ADAMTS12: variants seen among roughly 807,000 people sequenced by gnomAD.
ADAMTS12 encodes the protein ADAM metallopeptidase with thrombospondin type 1 motif 12.
ADAMTS12 carries 118 observed loss-of-function variants against 167.8 expected under a neutral mutation model. The observed-to-expected ratio is 0.70, with a 90% CI of 0.61 to 0.82. The LOEUF is 0.82. Ranked by LOEUF, ADAMTS12 falls within the 40% of genes least tolerant of loss-of-function variation. The pLI is 0.00. For missense variants in ADAMTS12, 1,916 were observed against 1,998.8 expected (o/e 0.96, Z 0.79); for synonymous variants, 704 against 716.9 (o/e 0.98, Z 0.29).
At chr5:33,721,368 A>C (rs1319239229) in intron 3 of ADAMTS12, among the ~76,000 whole-genome samples, 1 of 152,174 alleles carries the variant, frequency 6.6e-6, no homozygotes, top group Non-Finnish European at 1.5e-5. Context: ...GAATAATGAG[A>C]AGTACACATG....
chr5:33,584,879 G>C (rs1316571755), intron 18 of ADAMTS12, among the ~76,000 whole-genome samples: 2 of 152,176 alleles, frequency 1.3e-5, no homozygotes, highest in Non-Finnish European at 1.5e-5. Context: ...TCCTAAGACT[G>C]TTCAATATGC....
At chr5:33,702,636 A>G (rs2112300365) in intron 3 of ADAMTS12, among the ~76,000 whole-genome samples, 1 of 152,296 alleles carries the variant, frequency 6.6e-6, no homozygotes, top group Admixed American at 6.5e-5. Context: ...CTATTTTATC[A>G]CCTCAGTCAC....
At chr5:33,752,373 C>G (rs1466928275) in intron 2 of ADAMTS12, among the ~76,000 whole-genome samples, 1 of 152,196 alleles carries the variant, frequency 6.6e-6, no homozygotes, top group Non-Finnish European at 1.5e-5. Context: ...CTGACCTAGA[C>G]AGACTGCTTG....
intron 18 of ADAMTS12, among the ~76,000 whole-genome samples, chr5:33,578,628 G>A (rs1445715988): frequency 6.6e-6 from 1 of 152,094 alleles, no homozygotes; most frequent in African/African-American, 2.4e-5. Flanking sequence ...TCTCACTCAT[G>A]AGCTTCTGCA....
chr5:33,812,255 C>T (rs541493083), intron 2 of ADAMTS12, among the ~76,000 whole-genome samples: 1 of 152,282 alleles, frequency 6.6e-6, no homozygotes, highest in East Asian at 1.9e-4. Flanking sequence ...TGCAACTGCA[C>T]TCCAGCCTGG....
intron 2 of ADAMTS12, among the ~76,000 whole-genome samples, chr5:33,811,195 T>C (rs1222116237): frequency 6.6e-6 from 1 of 152,226 alleles, no homozygotes; most frequent in East Asian, 1.9e-4. Flanking sequence ...TAATGAAATG[T>C]AAGAGCACTT....
In ADAMTS12 at chr5:33,668,460, G is replaced by A. The variant is rs114682582; in HGVS notation, c.916-6420C>T. Among the ~76,000 whole-genome samples the A allele has an allele frequency of 4.0e-3, 610 of 152,250 alleles. 3 individuals carry two copies. Among genetic ancestry groups the A allele is most frequent in the African/African-American group, 0.014 (584 of 41,556 alleles). On this transcript the variant is annotated intron_variant, in intron 5 of 23. Coordinates refer to ENST00000504830, the MANE Select transcript of ADAMTS12 (RefSeq NM_030955.4). ...TTAACCTACGGATCTGTTCCTTGATGACTGATCTACTGATTTACATTACAG... is the reference window on the plus strand; with the variant it reads ...TTAACCTACGGATCTGTTCCTTGATAACTGATCTACTGATTTACATTACAG...
intron 16 of ADAMTS12, among the ~76,000 whole-genome samples, chr5:33,607,556 G>A (rs138055565): frequency 6.6e-6 from 1 of 152,244 alleles, no homozygotes; most frequent in East Asian, 1.9e-4. Context: ...GAATCTAAAT[G>A]GTAGTTTAAT....
At chr5:33,831,518 T>G (rs904146904) in intron 2 of ADAMTS12, among the ~76,000 whole-genome samples, 4 of 152,216 alleles carry the variant, frequency 2.6e-5, no homozygotes, top group Non-Finnish European at 5.9e-5. Flanking sequence ...AATATTTTGC[T>G]TGACTTACTG....
chr5:33,810,480 G>A (rs187975383), intron 2 of ADAMTS12, among the ~76,000 whole-genome samples: 111 of 152,164 alleles, frequency 7.3e-4, no homozygotes, highest in African/African-American at 2.6e-3. Context: ...CCCCACATAC[G>A]CTATTTATCT....
chr5:33,788,106 T>C (rs869121), intron 2 of ADAMTS12, among the ~76,000 whole-genome samples: 7,584 of 152,248 alleles, frequency 0.05, 675 homozygotes, highest in African/African-American at 0.17. Context: ...ATGTGAAGCA[T>C]GGCCAGCCCC....
At chr5:33,706,599 T>C (rs1743209621) in intron 3 of ADAMTS12, among the ~76,000 whole-genome samples, 1 of 152,222 alleles carries the variant, frequency 6.6e-6, no homozygotes. Flanking sequence ...GTCTTGACTC[T>C]TTATCCAATT....
chr5:33,705,590 AT>A lies in ADAMTS12; in HGVS notation c.635-21536del, dbSNP rs1170395714. Among the ~76,000 whole-genome samples, 8 of 152,244 alleles carry A rather than the reference AT, an allele frequency of 5.3e-5. No individual in the cohort carries two copies. In the East Asian group the frequency reaches 1.5e-3, roughly 29 times the overall value. ...CACTTTGGGAGGCCGAGGTGAGTAG[AT>A]CACATGAGGTCAGGAGTTTGAGACC... On this transcript the variant is annotated intron_variant, in intron 3 of 23. Coordinates refer to ENST00000504830, the MANE Select transcript of ADAMTS12 (RefSeq NM_030955.4).
At position 33,543,989 on chromosome 5, in the gene ADAMTS12, A is replaced by G. The variant is rs181332687; in HGVS notation, c.4446+2070T>C. Among the ~76,000 whole-genome samples the G allele has an allele frequency of 3.9e-5, 6 of 152,346 alleles. No homozygotes were observed. In the East Asian group the frequency reaches 1.2e-3, roughly 29 times the overall value. ...CCCTCTCTCACCACTCCTATTGAAC[A>G]TAGTTTTGTAAATTCTGGGCTGGGC... is the stretch of plus-strand genomic sequence containing the variant. On this transcript the variant is annotated intron_variant, in intron 22 of 23. Coordinates refer to ENST00000504830, the MANE Select transcript of ADAMTS12 (RefSeq NM_030955.4).
chr5:33,862,034 T>G (rs1292870337), intron 2 of ADAMTS12, among the ~76,000 whole-genome samples: 1 of 152,150 alleles, frequency 6.6e-6, no homozygotes, highest in Non-Finnish European at 1.5e-5. Context: ...AAGCAGTGTT[T>G]AGAGGGAAAT....
intron 2 of ADAMTS12, among the ~76,000 whole-genome samples, chr5:33,777,891 T>G (rs1441233446): frequency 6.6e-6 from 1 of 151,566 alleles, no homozygotes; most frequent in Non-Finnish European, 1.5e-5. Context: ...CAAAGAGCTA[T>G]CCCAAAAGAA....
chr5:33,693,799 T>C (rs1376020368), intron 3 of ADAMTS12, among the ~76,000 whole-genome samples: 1 of 152,136 alleles, frequency 6.6e-6, no homozygotes, highest in African/African-American at 2.4e-5. Flanking sequence ...TTTAACACAG[T>C]ACTGGGAGTC....
At chr5:33,679,923 A>G (rs1742047664) in intron 5 of ADAMTS12, among the ~76,000 whole-genome samples, 1 of 152,182 alleles carries the variant, frequency 6.6e-6, no homozygotes, top group South Asian at 2.1e-4. Context: ...ACTGAACCTC[A>G]CACTCTGCTT....
At chr5:33,824,108 G>GA (rs1747970281) in intron 2 of ADAMTS12, among the ~76,000 whole-genome samples, 1 of 152,178 alleles carries the variant, frequency 6.6e-6, no homozygotes, top group South Asian at 2.1e-4. Context: ...ACTCACTGAG[G>GA]AAAACCTCTT....
Sources: gnomAD v4.1 joint callset for allele counts (sites outside exome capture counted in the v4.1 genomes callset) on GRCh38, gnomAD v4.1.1 for gene constraint, MANE v1.5 for transcripts, NCBI Gene and HGNC (gene_info 2026-07-23, HGNC 2026-07-21) for gene names.